The following GALNTL6 variants were observed in gnomAD, a reference collection of about 807,000 sequenced individuals.
GALNTL6 encodes polypeptide N-acetylgalactosaminyltransferase like 6.
A neutral mutation model predicts 73.7 loss-of-function variants in GALNTL6; 46 were observed. The ratio of observed to expected loss-of-function variants is 0.62; its 90% CI spans 0.49 to 0.80. GALNTL6 has a LOEUF of 0.80. GALNTL6 is among the 30% of genes least tolerant of loss of function. The pLI is 0.00. For synonymous variants in GALNTL6, 259 were observed against 263.7 expected, an observed-to-expected ratio of 0.98 and a Z score of 0.17; for missense variants, 604 against 755.0, an observed-to-expected ratio of 0.80 and a Z score of 2.34.
intron 5 of GALNTL6, among the ~76,000 whole-genome samples, chr4:172,794,147 G>A (rs1046365042): frequency 1.3e-4 from 20 of 152,168 alleles, no homozygotes; most frequent in East Asian, 5.8e-4. Flanking sequence ...CAGCCCTGCT[G>A]TAGAGGTTAT....
chr4:171,848,195 CAGTG>C, intron 2 of GALNTL6, among the ~76,000 whole-genome samples: 1 of 152,280 alleles, frequency 6.6e-6, no homozygotes, highest in East Asian at 1.9e-4. Context: ...GGTGCATTGT[CAGTG>C]AGCAGTAATA....
chr4:172,399,926 C>T (rs1191310564), intron 5 of GALNTL6, among the ~76,000 whole-genome samples: 1 of 152,042 alleles, frequency 6.6e-6, no homozygotes, highest in Non-Finnish European at 1.5e-5. Context: ...CATATAGGTA[C>T]TTAAAAAGTT....
chr4:171,840,166 G>A (rs181561255), intron 2 of GALNTL6, among the ~76,000 whole-genome samples: 1 of 152,258 alleles, frequency 6.6e-6, no homozygotes. Context: ...TTCTGAAAGA[G>A]TTACAAACAA....
At chr4:172,743,208 T>A (rs1736900779) in intron 5 of GALNTL6, among the ~76,000 whole-genome samples, 2 of 152,018 alleles carry the variant, frequency 1.3e-5, no homozygotes, top group Non-Finnish European at 2.9e-5. Flanking sequence ...CCTTTAAATA[T>A]CATGAGATCT....
At chr4:171,968,913 T>A (rs977224851) in intron 2 of GALNTL6, among the ~76,000 whole-genome samples, 1 of 150,940 alleles carries the variant, frequency 6.6e-6, no homozygotes, top group Non-Finnish European at 1.5e-5. Flanking sequence ...CTCGGCTCAC[T>A]GCAACCTCTG....
intron 2 of GALNTL6, among the ~76,000 whole-genome samples, chr4:171,921,727 C>T (rs919394493): frequency 2.0e-5 from 3 of 152,048 alleles, no homozygotes; most frequent in African/African-American, 7.2e-5. Flanking sequence ...GGTGCTCTCA[C>T]TTTCAAAGGA....
chr4:172,428,754 T>C (rs1288848214), intron 5 of GALNTL6, among the ~76,000 whole-genome samples: 1 of 152,170 alleles, frequency 6.6e-6, no homozygotes, highest in Non-Finnish European at 1.5e-5. Context: ...AGAATCAAAA[T>C]TCTGCACAAT....
intron 5 of GALNTL6, among the ~76,000 whole-genome samples, chr4:172,535,763 G>C (rs1037461966): frequency 6.6e-6 from 1 of 152,204 alleles, no homozygotes; most frequent in African/African-American, 2.4e-5. Flanking sequence ...TTCACAGAAT[G>C]TTCTTGGAAA....
chr4:172,891,525 C>T (rs1579617431), intron 8 of GALNTL6, among the ~76,000 whole-genome samples: 1 of 152,106 alleles, frequency 6.6e-6, no homozygotes, highest in Non-Finnish European at 1.5e-5. Flanking sequence ...TGATGGGGTT[C>T]CCCTCATAAG....
At position 172,148,521 on chromosome 4, in the gene GALNTL6, T is replaced by C. The variant is rs1733986510; in HGVS notation, c.139-81135T>C. The stretch of plus-strand genomic sequence containing the variant: ...CTGAATAAAAGAGAACATAAGGCAC[T>C]GATCCTCCCAGCAAAATCTTGGATC... On this transcript the variant is annotated intron_variant, in intron 2 of 12. Transcript: ENST00000506823. Among the ~76,000 whole-genome samples, 5 of 152,350 alleles carry C rather than the reference T, an allele frequency of 3.3e-5. No individual in the cohort carries two copies. In the South Asian group the frequency reaches 6.2e-4, roughly 19 times the overall value.
At chr4:172,599,931 A>G (rs1191822656) in intron 5 of GALNTL6, among the ~76,000 whole-genome samples, 1 of 152,120 alleles carries the variant, frequency 6.6e-6, no homozygotes, top group Non-Finnish European at 1.5e-5. Flanking sequence ...AAAAAAGACA[A>G]TCTCTTCTTC....
At chr4:172,273,831 G>A (rs553962851) in intron 3 of GALNTL6, among the ~76,000 whole-genome samples, 132 of 152,204 alleles carry the variant, frequency 8.7e-4, no homozygotes, top group African/African-American at 2.3e-3. Flanking sequence ...AGCTTCTCCC[G>A]TGGGCAAAGA....
chr4:172,553,657 A>G (rs560393641), intron 5 of GALNTL6, among the ~76,000 whole-genome samples: 29 of 152,294 alleles, frequency 1.9e-4, no homozygotes, highest in African/African-American at 7.0e-4. Context: ...TATATTAACA[A>G]TATTTTCCTG....
intron 12 of GALNTL6, among the ~76,000 whole-genome samples, chr4:173,037,763 G>C (rs977662183): frequency 6.7e-6 from 1 of 149,918 alleles, no homozygotes; most frequent in African/African-American, 2.5e-5. Flanking sequence ...TTTTTTTTGA[G>C]ACAGAGTCTT....
chr4:172,992,008 C>G (rs1487061517), intron 10 of GALNTL6, among the ~76,000 whole-genome samples: 1 of 152,186 alleles, frequency 6.6e-6, no homozygotes, highest in Non-Finnish European at 1.5e-5. Context: ...CTTGCTTAAA[C>G]TTTTAGTTCT....
intron 5 of GALNTL6, among the ~76,000 whole-genome samples, chr4:172,417,089 A>T (rs930489356): frequency 2.0e-5 from 3 of 152,204 alleles, no homozygotes; most frequent in Non-Finnish European, 4.4e-5. Flanking sequence ...GGCTTTATAG[A>T]TGAAGTATAT....
In GALNTL6 at chr4:172,809,533, G is replaced by A. The variant is rs141284095; in HGVS notation, c.726G>A (p.Leu242=). Residue 242 remains leucine (L), a synonymous_variant, in exon 6 of 13, where the codon CTG becomes CTA. Transcript: ENST00000506823. This position sits in a 1 kb window ranked among gnomAD's most constrained non-coding sequence, Gnocchi z 4.4. ...DSHCEVNVNW[L]PPLLNQIALN... ...ACTGCGAGGTCAATGTGAACTGGCT[G>A]CCCCCACTCCTCAGTGAGTACAGGT... 3.8e-5 allele frequency: 62 copies of A among 1,612,206 alleles called. No homozygotes were observed. Among genetic ancestry groups the A allele is most frequent in the Non-Finnish European group, 4.9e-5 (58 of 1,179,176 alleles).
At chr4:172,817,624 G>T (rs1248415691) in intron 7 of GALNTL6, among the ~76,000 whole-genome samples, 1 of 152,242 alleles carries the variant, frequency 6.6e-6, no homozygotes, top group South Asian at 2.1e-4. Context: ...ACTTTTCTGT[G>T]TGACAAAACA....
chr4:171,832,731 A>T (rs4476563), intron 2 of GALNTL6, among the ~76,000 whole-genome samples: 3 of 151,656 alleles, frequency 2.0e-5, no homozygotes, highest in Non-Finnish European at 4.4e-5. Context: ...ATCACTTAAG[A>T]TTCATTAATA....
Sources: allele counts gnomAD v4.1 joint callset (sites outside exome capture counted in the v4.1 genomes callset), GRCh38; gene constraint gnomAD v4.1.1; non-coding constraint Gnocchi (gnomAD v3.1); transcripts MANE v1.5; gene names NCBI Gene and HGNC (gene_info 2026-07-23, HGNC 2026-07-21).